B3GALNT2: variants seen among roughly 807,000 people sequenced by gnomAD.
B3GALNT2 encodes the protein UDP-GalNAc:beta-1,3-N-acetylgalactosaminyltransferase 2.
Under a neutral mutation model 61.1 loss-of-function variants are expected in B3GALNT2, and 53 were observed. That is an observed-to-expected ratio of 0.87 (90% CI 0.70 to 1.09). The LOEUF (loss-of-function observed/expected upper bound fraction) is 1.09. Ranked by LOEUF, B3GALNT2 falls within the 50% of genes least tolerant of loss-of-function variation. The probability of loss-of-function intolerance (pLI) is 0.00; values close to 1 mark genes in which losing one functional copy is unlikely to be tolerated. For synonymous variants in B3GALNT2, 223 were observed against 237.4 expected, an observed-to-expected ratio of 0.94 and a Z score of 0.56; for missense variants, 544 against 623.0, an observed-to-expected ratio of 0.87 and a Z score of 1.35.
At position 235,465,625 on chromosome 1, in the gene B3GALNT2, A is replaced by G; in HGVS notation, c.841+11T>C. 1 of 1,613,400 alleles carries G rather than the reference A, an allele frequency of 6.2e-7. No homozygotes were observed. The stretch of plus-strand genomic sequence containing the variant: ...TCAGTGTACTTTTCAAGTTTCAACT[A>G]GCAAACTTACCCTGAATAGTATATA... On this transcript the variant is annotated intron_variant, in intron 7 of 11. Coordinates refer to ENST00000366600, the MANE Select transcript of B3GALNT2 (RefSeq NM_152490.5).
At chr1:235,493,224 T>C (rs142779079) in intron 2 of B3GALNT2, among the ~76,000 whole-genome samples, 226 of 152,032 alleles carry the variant, frequency 1.5e-3, no homozygotes, top group Non-Finnish European at 2.4e-3. Flanking sequence ...TGCTGATGGA[T>C]TGGATGTGGC....
At chr1:235,480,028 TAC>T (rs1684483130) in intron 5 of B3GALNT2, 24 bp downstream of exon 5, 3 of 1,613,060 alleles carry the variant, frequency 1.9e-6, no homozygotes, top group Middle Eastern at 3.3e-4. Context: ...GCATTGGTAC[TAC>T]AGTCTTTTCC....
chr1:235,494,552 G>C (rs1685223667), intron 2 of B3GALNT2, 129 bp downstream of exon 2: 5 of 1,001,714 alleles, frequency 5.0e-6, no homozygotes, highest in African/African-American at 3.3e-5. Context: ...AATTTTCCAA[G>C]CTCAAGCAAT....
In B3GALNT2 at chr1:235,448,869, C is replaced by T; in HGVS notation, c.*1337G>A. On this transcript the variant is annotated 3_prime_UTR_variant, in exon 12 of 12. Coordinates refer to ENST00000366600, the MANE Select transcript of B3GALNT2 (RefSeq NM_152490.5). ...CTACTGTCAAAACAAAGGGGGTTTA[C>T]AACTTGTCCTAAGTATAACAAGGGA... The T allele has an allele frequency of 3.5e-6, 3 of 857,826 alleles. No homozygotes were observed. The highest frequency in any genetic ancestry group is 5.8e-6 in the Non-Finnish European group (3 of 520,948). 53.1% of individuals were successfully genotyped at this position (857,826 alleles called of 1,614,324 possible). A position where few individuals can be genotyped will look rare whatever the true frequency, so the allele number is the denominator to read the frequency against.
chr1:235,450,306 G>C lies in B3GALNT2; in HGVS notation c.1403C>G (p.Thr468Arg). 6.2e-7 allele frequency: 1 copy of C among 1,613,958 alleles called. No individual in the cohort carries two copies. Among genetic ancestry groups the C allele is most frequent in the Non-Finnish European group, 8.5e-7 (1 of 1,179,802 alleles). ...ATACTGAGGAGAAGACAGCATTCCT[G>C]TCTCACAGGTCTTCTCACACAGCCA... is the stretch of plus-strand genomic sequence containing the variant. ...SLWLCEKTCETGMLSSPQYSP... is the reference protein window; with the variant it reads ...SLWLCEKTCERGMLSSPQYSP... Residue 468 changes from threonine to arginine, a missense_variant, in exon 12 of 12, where the codon ACA (threonine) becomes AGA (arginine). By Grantham distance (71) the Thr-to-Arg change is moderately conservative. Coordinates refer to ENST00000366600, the MANE Select transcript of B3GALNT2 (RefSeq NM_152490.5).
chr1:235,478,516 G>A lies in B3GALNT2; in HGVS notation c.651+1538C>T, dbSNP rs181974817. 1.2e-3 allele frequency among the ~76,000 whole-genome samples: 182 copies of A among 152,266 alleles called. 2 individuals carry two copies. The highest frequency in any genetic ancestry group is 4.1e-3 in the African/African-American group (169 of 41,562). On this transcript the variant is annotated intron_variant, in intron 5 of 11. Transcript: ENST00000366600. ...TACAAATTGCTAAACTCCCCTCCAG[G>A]AAGGAATCATCTGACTTAAAAATGT...
At chr1:235,493,043 T>C (rs898565277) in intron 2 of B3GALNT2, among the ~76,000 whole-genome samples, 1 of 152,172 alleles carries the variant, frequency 6.6e-6, no homozygotes, top group African/African-American at 2.4e-5. Context: ...TCACTCTGGC[T>C]GCTGTATGGA....
chr1:235,468,578 G>C (rs1194551477), intron 6 of B3GALNT2, among the ~76,000 whole-genome samples: 3 of 149,722 alleles, frequency 2.0e-5, no homozygotes, highest in Non-Finnish European at 4.4e-5. Flanking sequence ...TCAGCCTTCC[G>C]AGTAGCTGGG....
chr1:235,489,145 A>G (rs2102853474), intron 3 of B3GALNT2, 23 bp downstream of exon 3: 5 of 1,612,894 alleles, frequency 3.1e-6, no homozygotes, highest in Non-Finnish European at 4.2e-6. Context: ...TGTGTATGGC[A>G]GTCAAGGGAA....
chr1:235,474,972 TATATATATATA>T (rs1403671697), intron 5 of B3GALNT2, among the ~76,000 whole-genome samples: 518 of 40,242 alleles, frequency 0.013, 36 homozygotes, highest in African/African-American at 0.038. Flanking sequence ...TATATATATA[TATATATATATA>T]TATATTTTTT....
Position 235,453,288 on chromosome 1 carries a change from G to C in B3GALNT2, c.1312-142C>G, listed in dbSNP as rs936489520. The C allele has an allele frequency of 3.8e-6, 3 of 797,336 alleles. No homozygotes were observed. The African/African-American group carries it at 5.3e-5, about 14-fold the overall frequency. The allele number at this position is 797,336 out of a possible 1,614,324, so 49.4% of individuals were successfully genotyped here. A position where few individuals can be genotyped will look rare whatever the true frequency, so the allele number is the denominator to read the frequency against. On this transcript the variant is annotated intron_variant, in intron 10 of 11. Coordinates refer to ENST00000366600, the MANE Select transcript of B3GALNT2 (RefSeq NM_152490.5). ...TTCTAATATGAAATAGCAAAAATGG[G>C]TTCACATGAAGTCAAAGCTAGTGGT...
At chr1:235,457,896 C>T (rs1683239177) in intron 8 of B3GALNT2, among the ~76,000 whole-genome samples, 1 of 151,166 alleles carries the variant, frequency 6.6e-6, no homozygotes, top group South Asian at 2.1e-4. Context: ...CAAAATGAAT[C>T]AACTTTTTTT....
chr1:235,445,982 TATTTAA>T (rs1343883107), downstream of B3GALNT2, among the ~76,000 whole-genome samples: 4 of 152,174 alleles, frequency 2.6e-5, no homozygotes, highest in Non-Finnish European at 5.9e-5. Flanking sequence ...CACATGTGGC[TATTTAA>T]ATTCATTAAA....
intron 4 of B3GALNT2, among the ~76,000 whole-genome samples, chr1:235,482,820 C>G (rs947615872): frequency 2.0e-5 from 3 of 151,998 alleles, no homozygotes; most frequent in Non-Finnish European, 4.4e-5. Context: ...GAGCGAGACC[C>G]TGTCAAACAA....
intron 4 of B3GALNT2, among the ~76,000 whole-genome samples, chr1:235,481,507 C>T (rs145765653): frequency 8.2e-4 from 125 of 152,196 alleles, no homozygotes; most frequent in Admixed American, 1.7e-3. Context: ...CCATGCCTGC[C>T]TATTTTCTTA....
rs952121633 is a variant in B3GALNT2 at position 235,448,885 on chromosome 1, T to TAAC, written c.*1318_*1320dup. On this transcript the variant is annotated 3_prime_UTR_variant, in exon 12 of 12. Coordinates refer to ENST00000366600, the MANE Select transcript of B3GALNT2 (RefSeq NM_152490.5). ...GGGGGTTTACAACTTGTCCTAAGTA[T>TAAC]AACAAGGGATGTATTTTTTGTTGGG... 2 of 755,198 alleles carry TAAC rather than the reference T, an allele frequency of 2.6e-6. No individual in the cohort carries two copies. The highest frequency in any genetic ancestry group is 3.5e-5 in the African/African-American group (2 of 57,846). The allele number at this position is 755,198 out of a possible 1,614,324, so 46.8% of individuals were successfully genotyped here.
At chr1:235,465,782 T>C (rs1320499923) in intron 6 of B3GALNT2, 68 bp from the exon 7 acceptor site, 70 of 1,577,770 alleles carry the variant, frequency 4.4e-5, no homozygotes, top group Non-Finnish European at 5.7e-5. Context: ...TTAAAATCGA[T>C]TTGACAAAAA....
chr1:235,487,370 T>A (rs567726372), intron 3 of B3GALNT2, among the ~76,000 whole-genome samples: 3 of 152,304 alleles, frequency 2.0e-5, no homozygotes. Context: ...GCAGGCTCTT[T>A]AAAATAATGT....
intron 7 of B3GALNT2, 126 bp downstream of exon 7, chr1:235,465,510 A>G (rs1184462810): frequency 7.1e-7 from 1 of 1,412,984 alleles, no homozygotes; most frequent in Non-Finnish European, 9.5e-7. Flanking sequence ...AACCACTTTA[A>G]AAGGGTGAAT....
Sources: gnomAD v4.1 joint callset for allele counts (sites outside exome capture counted in the v4.1 genomes callset) on GRCh38, gnomAD v4.1.1 for gene constraint, MANE v1.5 for transcripts, NCBI Gene and HGNC (gene_info 2026-07-23, HGNC 2026-07-21) for gene names.